The following CCNL2 variants were observed in gnomAD, a reference collection of about 807,000 sequenced individuals.
The protein encoded by CCNL2 is cyclin L2.
In CCNL2, 28 loss-of-function variants were observed where a neutral mutation model predicts 59.1. The ratio of observed to expected loss-of-function variants is 0.47; its 90% CI spans 0.35 to 0.65. CCNL2 has a LOEUF of 0.65. Among genes scored for constraint, CCNL2 ranks in the 30% least tolerant of loss-of-function variants. The pLI is 0.00. For synonymous variants in CCNL2, 342 were observed against 288.6 expected, an observed-to-expected ratio of 1.19 and a Z score of -1.88; for missense variants, 714 against 717.4, an observed-to-expected ratio of 1.00 and a Z score of 0.05.
chr1:1,390,944 C>A lies in CCNL2; in HGVS notation c.660-79G>T, dbSNP rs1168141857. The A allele has an allele frequency of 4.0e-6, 5 of 1,242,952 alleles. No homozygotes were observed. The African/African-American group carries it at 7.4e-5, about 18-fold the overall frequency. The allele number at this position is 1,242,952 out of a possible 1,614,324, so 77.0% of individuals were successfully genotyped here. ...TCCGCCTGCATTATCTAGAGAAAAT[C>A]TAGATAAACGTACTACTCCTCTAAG... On this transcript the variant is annotated intron_variant, in intron 5 of 10. Transcript: ENST00000400809.
At chr1:1,391,343 A>G in intron 5 of CCNL2, 1 of 1,161,732 alleles carries the variant, frequency 8.6e-7, no homozygotes, top group Non-Finnish European at 1.1e-6. Flanking sequence ...GCTGGGAGAC[A>G]AGCCATCCTC....
At chr1:1,397,562 T>C (rs1048317987) in intron 3 of CCNL2, among the ~76,000 whole-genome samples, 1 of 152,132 alleles carries the variant, frequency 6.6e-6, no homozygotes, top group Non-Finnish European at 1.5e-5. Context: ...GAGAATCCCC[T>C]ACAACTAAAG....
Position 1,398,945 on chromosome 1 carries a change from C to A in CCNL2, c.288+74G>T, listed in dbSNP as rs974900215. On this transcript the variant is annotated intron_variant, in intron 1 of 10. Transcript: ENST00000400809. ...GGGTCTAGGCGGGGGCGGTGCGGGC[C>A]CGACTCGCCGCCAACAAAGGCGGCT... 6.1e-6 allele frequency: 9 copies of A among 1,481,470 alleles called. No individual in the cohort carries two copies. In the South Asian group the frequency reaches 1.1e-4, roughly 18 times the overall value. The allele number at this position is 1,481,470 out of a possible 1,614,324, so 91.8% of individuals were successfully genotyped here. A position where few individuals can be genotyped will look rare whatever the true frequency, so the allele number is the denominator to read the frequency against.
rs552669870 is a variant in CCNL2, at chr1:1,395,508, G to A, written c.480C>T (p.Pro160=). ...RLRQLRDKKK[P]VPLLLDQDYV... Reference sequence around the variant, plus strand: ...AATCTTGATCCAGTAGTAGAGGCACGGGCTTCCTGCCAGAGAGAGAGCACA... The same window carrying A: ...AATCTTGATCCAGTAGTAGAGGCACAGGCTTCCTGCCAGAGAGAGAGCACA... Residue 160 remains proline (P), a synonymous_variant, in exon 4 of 11, where the codon CCC becomes CCT. Transcript: ENST00000400809. 84 of 1,613,988 alleles carry A rather than the reference G, an allele frequency of 5.2e-5. No homozygotes were observed. Among genetic ancestry groups the A allele is most frequent in the South Asian group, 4.4e-4 (40 of 91,076 alleles).
At chr1:1,393,770 G>A (rs1451329429) in intron 4 of CCNL2, among the ~76,000 whole-genome samples, 3 of 152,182 alleles carry the variant, frequency 2.0e-5, no homozygotes, top group African/African-American at 4.8e-5. Context: ...TGTCCTACAC[G>A]TCTCTGTATC....
At chr1:1,395,048 G>A (rs1644944909) in intron 4 of CCNL2, 1 of 204,290 alleles carries the variant, frequency 4.9e-6, no homozygotes, top group African/African-American at 2.3e-5. Flanking sequence ...TGGCGATAGA[G>A]CGAAACTCCA....
intron 3 of CCNL2, among the ~76,000 whole-genome samples, chr1:1,396,992 C>A (rs2100350377): frequency 6.6e-6 from 1 of 152,222 alleles, no homozygotes; most frequent in African/African-American, 2.4e-5. Flanking sequence ...CGTGATCCAC[C>A]CGCCTCGGCC....
chr1:1,390,465 C>G lies in CCNL2; in HGVS notation c.858G>C (p.Arg286=), dbSNP rs201903729. Residue 286 remains arginine, a synonymous_variant, in exon 7 of 11, where the codon CGG becomes CGC. Coordinates refer to ENST00000400809, the MANE Select transcript of CCNL2 (RefSeq NM_030937.6). ...ICLKILQLYA[R]KKVDLTHLEG... Reference sequence around the variant, plus strand: ...TGAAAAAATGCCGAAGAACCTTTTTCCGAGCATAAAGCTGCAAGATCTTTA... The same window carrying G: ...TGAAAAAATGCCGAAGAACCTTTTTGCGAGCATAAAGCTGCAAGATCTTTA... 6.2e-7 allele frequency: 1 copy of G among 1,612,824 alleles called. No homozygotes were observed. The highest frequency in any genetic ancestry group is 2.2e-5 in the East Asian group (1 of 44,874).
At chr1:1,398,499 G>T (rs1645177290) in intron 2 of CCNL2, 98 bp downstream of exon 2, 1 of 1,572,310 alleles carries the variant, frequency 6.4e-7, no homozygotes, top group Non-Finnish European at 8.7e-7. Flanking sequence ...GCTCAGACTG[G>T]GGGGCAAGTA....
rs935261823 is a variant in CCNL2, at chr1:1,387,386, G to T, written c.1408C>A (p.Arg470=). Residue 470 remains arginine (R), a synonymous_variant, in exon 11 of 11, where the codon CGA becomes AGA. Transcript: ENST00000400809. Reference sequence around the variant, plus strand: ...TCCGCCCGCTCCCGTGACCTGCTTCGAGAACGGGAAGAACTCCGGCTCCGA... The same window carrying T: ...TCCGCCCGCTCCCGTGACCTGCTTCTAGAACGGGAAGAACTCCGGCTCCGA... ...KSRSRSSSRS[R]SRSRERADNP... is the part of the protein sequence containing the mutation. The T allele has an allele frequency of 1.1e-5, 17 of 1,614,158 alleles. No homozygotes were observed. Among genetic ancestry groups the T allele is most frequent in the Non-Finnish European group, 1.0e-5 (12 of 1,180,036 alleles).
intron 10 of CCNL2, 95 bp from the exon 11 acceptor site, chr1:1,387,677 G>A: frequency 2.8e-6 from 4 of 1,424,148 alleles, no homozygotes; most frequent in South Asian, 2.6e-5. Flanking sequence ...ACAAGCTCCA[G>A]GTTTAGAGAA....
At chr1:1,390,687 G>A in intron 6 of CCNL2, 79 bp downstream of exon 6, 1 of 1,495,690 alleles carries the variant, frequency 6.7e-7, no homozygotes, top group Non-Finnish European at 9.3e-7. Flanking sequence ...GTAATTTGAA[G>A]AATAACACAG....
At chr1:1,391,396 C>G in intron 5 of CCNL2, 1 of 1,180,308 alleles carries the variant, frequency 8.5e-7, no homozygotes, top group Non-Finnish European at 1.1e-6. Context: ...GGCGGCAGGC[C>G]CCTTCTCTGC....
chr1:1,388,757 T>TA (rs1253609014), intron 8 of CCNL2: 1 of 259,516 alleles, frequency 3.9e-6, no homozygotes, highest in Non-Finnish European at 6.9e-6. Flanking sequence ...GGCAACAGAG[T>TA]AAGACTCCGT....
chr1:1,390,719 G>C, intron 6 of CCNL2, 47 bp downstream of exon 6: 1 of 1,549,284 alleles, frequency 6.5e-7, no homozygotes, highest in Non-Finnish European at 8.9e-7. Flanking sequence ...GGAGGCTGGA[G>C]AAAAAAAAAT....
Position 1,387,835 on chromosome 1 carries a change from G to A in CCNL2, c.1153C>T (p.Arg385Trp), listed in dbSNP as rs757363125. 1.2e-6 allele frequency: 2 copies of A among 1,613,630 alleles called. No individual in the cohort carries two copies. The highest frequency in any genetic ancestry group is 1.1e-5 in the South Asian group (1 of 91,024). ...CTCGAGTAGCTCTGCTCACGGCTCCGGCTCCGACTCCGACTCTCTCGCCCC... is the reference window on the plus strand; with the variant it reads ...CTCGAGTAGCTCTGCTCACGGCTCCAGCTCCGACTCCGACTCTCTCGCCCC... Reference protein sequence around the residue: ...PKGRESRSRSRSREQSYSRSP... With the variant: ...PKGRESRSRSWSREQSYSRSP... Residue 385 changes from arginine (R) to tryptophan (W), a missense_variant, in exon 10 of 11, where the codon CGG (arginine) becomes TGG (tryptophan). By Grantham distance (101) the Arg-to-Trp change is moderately radical. Coordinates refer to ENST00000400809, the MANE Select transcript of CCNL2 (RefSeq NM_030937.6).
intron 1 of CCNL2, 97 bp from the exon 2 acceptor site, chr1:1,398,768 A>T: frequency 7.9e-7 from 1 of 1,272,144 alleles, no homozygotes. Flanking sequence ...ACGCAGAACC[A>T]AACACTGAAA....
intron 3 of CCNL2, 30 bp from the exon 4 acceptor site, chr1:1,395,544 C>T: frequency 6.2e-7 from 1 of 1,612,684 alleles, no homozygotes; most frequent in Non-Finnish European, 8.5e-7. Flanking sequence ...GGGTCTGCAC[C>T]ACAGTCAAGC....
rs1013036197 is a variant in CCNL2 at position 1,393,471 on chromosome 1, C to T, written c.595-11G>A. On this transcript the variant is annotated splice_polypyrimidine_tract_variant and intron_variant, in intron 4 of 10. Coordinates refer to ENST00000400809, the MANE Select transcript of CCNL2 (RefSeq NM_030937.6). ...GTACATAACGATTATCTGGAAGATA[C>T]GGGTCAGGCAGTTATTACCAAGAAC... is the stretch of plus-strand genomic sequence containing the variant. 5.0e-6 allele frequency: 8 copies of T among 1,612,592 alleles called. No individual in the cohort carries two copies. In the African/African-American group the frequency reaches 6.7e-5, roughly 13 times the overall value.
Sources: allele counts gnomAD v4.1 joint callset (sites outside exome capture counted in the v4.1 genomes callset), GRCh38; gene constraint gnomAD v4.1.1; transcripts MANE v1.5; gene names NCBI Gene and HGNC (gene_info 2026-07-23, HGNC 2026-07-21).